The following EXPH5 variants were observed in gnomAD, a reference collection of about 807,000 sequenced individuals.
EXPH5 encodes the protein exophilin-5.
EXPH5 carries 42 observed loss-of-function variants against 41.1 expected under a neutral mutation model. The observed-to-expected ratio is 1.02, with a 90% CI of 0.80 to 1.32. The LOEUF (loss-of-function observed/expected upper bound fraction) is 1.32, where lower values mean the gene tolerates loss of function less well. Among genes scored for constraint, EXPH5 ranks in the 40% most tolerant of loss-of-function variants. EXPH5 has a pLI of 0.00. For synonymous variants in EXPH5, 798 were observed against 833.5 expected, an observed-to-expected ratio of 0.96 and a Z score of 0.73; for missense variants, 2,298 against 2,314.5, an observed-to-expected ratio of 0.99 and a Z score of 0.15.
chr11:108,585,149 G>T (rs2136120025), intron 1 of EXPH5, among the ~76,000 whole-genome samples: 1 of 152,276 alleles, frequency 6.6e-6, no homozygotes, highest in East Asian at 1.9e-4. Context: ...CACATAAAAA[G>T]ATGTTTACCA....
upstream of EXPH5, among the ~76,000 whole-genome samples, chr11:108,595,189 C>G (rs2094137019): frequency 6.6e-6 from 1 of 152,192 alleles, no homozygotes; most frequent in Non-Finnish European, 1.5e-5. Context: ...AGGCATCACA[C>G]ACTGTGAACA....
At chr11:108,554,192 T>C (rs1424427475) in intron 1 of EXPH5, among the ~76,000 whole-genome samples, 1 of 151,710 alleles carries the variant, frequency 6.6e-6, no homozygotes, top group African/African-American at 2.4e-5. Context: ...GCCTCCTGAG[T>C]AGCTGGGATT....
chr11:108,570,691 G>T (rs1282766562), intron 1 of EXPH5, among the ~76,000 whole-genome samples: 2 of 152,124 alleles, frequency 1.3e-5, no homozygotes, highest in South Asian at 4.1e-4. Flanking sequence ...CTACAGGCAT[G>T]TGCCACCATG....
rs2093664455 is a variant in EXPH5 at position 108,509,804 on chromosome 11, T to C, written c.5703A>G (p.Val1901=). The stretch of plus-strand genomic sequence containing the variant: ...ATCTTCCTTGTGTAAGTGACCTCTT[T>C]ACATTTTCTAAGAAAGCTAACTGTT... ...KEQQLAFLEN[V]KRSLTQGRLW... The change falls in exon 6 of 6, where the codon GTA becomes GTG. Residue 1901 remains valine, a synonymous_variant. Transcript: ENST00000265843. 1.2e-6 allele frequency: 2 copies of C among 1,613,528 alleles called. No homozygotes were observed. The highest frequency in any genetic ancestry group is 1.7e-6 in the Non-Finnish European group (2 of 1,179,846).
Position 108,514,384 on chromosome 11 carries a change from T to C in EXPH5, c.1123A>G (p.Arg375Gly), listed in dbSNP as rs569152202. The change falls in exon 6 of 6, where the codon AGA (arginine) becomes GGA (glycine). Residue 375 changes from arginine to glycine, a missense_variant. Physicochemically the swap from Arg to Gly is moderately radical, Grantham distance 125. Coordinates refer to ENST00000265843, the MANE Select transcript of EXPH5 (RefSeq NM_015065.3). ...RTPLSSIIWN[R>G]SDSSRDRENQ... Reference sequence around the variant, plus strand: ...TCCCTGTCTCTAGAGGAATCTGATCTGTTCCATATGATGGATGATAAAGGA... The same window carrying C: ...TCCCTGTCTCTAGAGGAATCTGATCCGTTCCATATGATGGATGATAAAGGA... The C allele has an allele frequency of 1.2e-6, 2 of 1,614,048 alleles. No homozygotes were observed. Among genetic ancestry groups the C allele is most frequent in the Non-Finnish European group, 1.7e-6 (2 of 1,180,016 alleles).
At chr11:108,584,724 C>A (rs547523511) in intron 1 of EXPH5, among the ~76,000 whole-genome samples, 1 of 152,126 alleles carries the variant, frequency 6.6e-6, no homozygotes, top group Non-Finnish European at 1.5e-5. Flanking sequence ...ATAAAATGAA[C>A]CTCAATCTAA....
intron 3 of EXPH5, among the ~76,000 whole-genome samples, chr11:108,532,950 G>T (rs949588691): frequency 6.6e-6 from 1 of 152,100 alleles, no homozygotes; most frequent in Non-Finnish European, 1.5e-5. Context: ...CTTCCTTCTT[G>T]TTGTCCTCAC....
rs774446119 is a variant in EXPH5 at position 108,514,578 on chromosome 11, T to A, written c.929A>T (p.Tyr310Phe). ...ACTGCCAAAAGTATTCTTTTGCACA[T>A]AATCTTCTTTAAAGACTCTGGGCTC... Reference protein sequence around the residue: ...TREPRVFKEDYVQKNTFGSTS... With the variant: ...TREPRVFKEDFVQKNTFGSTS... Residue 310 changes from tyrosine to phenylalanine, a missense_variant, in exon 6 of 6, where the codon TAT becomes TTT. Transcript: ENST00000265843. 8.1e-6 allele frequency: 13 copies of A among 1,614,048 alleles called. No individual in the cohort carries two copies. The Admixed American group carries it at 2.0e-4, about 25-fold the overall frequency.
At chr11:108,547,414 TC>T (rs1240202791) in intron 1 of EXPH5, among the ~76,000 whole-genome samples, 1 of 151,990 alleles carries the variant, frequency 6.6e-6, no homozygotes, top group African/African-American at 2.4e-5. Flanking sequence ...GAGGTCTCAC[TC>T]TGTTGCCCAG....
the EXPH5 span, among the ~76,000 whole-genome samples, chr11:108,606,527 A>G: frequency 6.6e-6 from 1 of 151,958 alleles, no homozygotes; most frequent in East Asian, 1.9e-4. Flanking sequence ...CAACTTACTC[A>G]CCTTTTTTTA....
chr11:108,510,507 T>C lies in EXPH5; in HGVS notation c.5000A>G (p.Lys1667Arg). 3 of 1,614,220 alleles carry C rather than the reference T, an allele frequency of 1.9e-6. No homozygotes were observed. Among genetic ancestry groups the C allele is most frequent in the Non-Finnish European group, 2.5e-6 (3 of 1,180,036 alleles). Residue 1667 changes from lysine to arginine, a missense_variant, in exon 6 of 6, where the codon AAG becomes AGG. Physicochemically the swap from Lys to Arg is conservative, Grantham distance 26. Coordinates refer to ENST00000265843, the MANE Select transcript of EXPH5 (RefSeq NM_015065.3). The stretch of plus-strand genomic sequence containing the variant: ...AATGGGGAGAAGGTTCTCGGATTTC[T>C]TCACATGCTTTCCGTTCTCACTCAA... ...SRLSENGKHV[K>R]KSENLLPITV...
chr11:108,573,121 AAAG>A (rs1416422443), intron 1 of EXPH5, among the ~76,000 whole-genome samples: 1 of 147,072 alleles, frequency 6.8e-6, no homozygotes, highest in Non-Finnish European at 1.5e-5. Context: ...AAGAAAAAGA[AAAG>A]AAGGAAGGAA....
At chr11:108,521,381 C>T (rs2093763925) in intron 4 of EXPH5, among the ~76,000 whole-genome samples, 1 of 152,108 alleles carries the variant, frequency 6.6e-6, no homozygotes, top group Non-Finnish European at 1.5e-5. Context: ...CTACAGAAAC[C>T]TGCCCAAATT....
chr11:108,558,875 C>T (rs2094000508), intron 1 of EXPH5, among the ~76,000 whole-genome samples: 1 of 152,110 alleles, frequency 6.6e-6, no homozygotes, highest in Non-Finnish European at 1.5e-5. Context: ...CATTTAATCA[C>T]TACAGGAATC....
the EXPH5 span, among the ~76,000 whole-genome samples, chr11:108,600,488 T>C: frequency 2.6e-5 from 4 of 152,204 alleles, no homozygotes; most frequent in African/African-American, 9.7e-5. Flanking sequence ...AGTATGCGGA[T>C]GATAGTTCTT....
chr11:108,587,213 G>C (rs1032236992), intron 1 of EXPH5, among the ~76,000 whole-genome samples: 2 of 152,174 alleles, frequency 1.3e-5, no homozygotes, highest in African/African-American at 2.4e-5. Context: ...ATGCTGGTGT[G>C]CTGCACCCAT....
intron 1 of EXPH5, among the ~76,000 whole-genome samples, chr11:108,572,037 G>C (rs562635627): frequency 7.3e-6 from 1 of 137,772 alleles, no homozygotes; most frequent in African/African-American, 2.6e-5. Context: ...GTGACAGAGC[G>C]AGACTCTGTC....
At position 108,512,809 on chromosome 11, in the gene EXPH5, C is replaced by A. The variant is rs1224042131; in HGVS notation, c.2698G>T (p.Val900Phe). Residue 900 changes from valine (V) to phenylalanine (F), a missense_variant, in exon 6 of 6, where the codon GTT (valine) becomes TTT (phenylalanine). Coordinates refer to ENST00000265843, the MANE Select transcript of EXPH5 (RefSeq NM_015065.3). ...SKNSSLDAPV[V>F]PSTTVFSRRS... is the part of the protein sequence containing the mutation. ...CTGGAGAACACTGTAGTAGATGGAA[C>A]CACAGGAGCATCAAGGGAAGAATTC... is the stretch of plus-strand genomic sequence containing the variant. The A allele has an allele frequency of 1.9e-6, 3 of 1,614,024 alleles. No individual in the cohort carries two copies. The highest frequency in any genetic ancestry group is 3.3e-5 in the Admixed American group (2 of 60,002).
intron 1 of EXPH5, 103 bp from the exon 2 acceptor site, chr11:108,541,915 G>T: frequency 2.2e-6 from 2 of 920,340 alleles, no homozygotes; most frequent in Non-Finnish European, 3.2e-6. Flanking sequence ...GTCTCATTCT[G>T]TCACCAGGCT....
Sources: allele counts gnomAD v4.1 joint callset (sites outside exome capture counted in the v4.1 genomes callset), GRCh38; gene constraint gnomAD v4.1.1; transcripts MANE v1.5; gene names NCBI Gene and HGNC (gene_info 2026-07-23, HGNC 2026-07-21).